The following IMMT variants were observed in gnomAD, a reference collection of about 807,000 sequenced individuals.
IMMT encodes the protein inner membrane mitochondrial protein.
IMMT carries 40 observed loss-of-function variants against 92.7 expected under a neutral mutation model. The ratio of observed to expected loss-of-function variants is 0.43; its 90% confidence interval spans 0.34 to 0.56. IMMT has a LOEUF of 0.56. Ranked by LOEUF, IMMT falls within the 20% of genes least tolerant of loss-of-function variation. The pLI, the probability that IMMT is intolerant of heterozygous loss-of-function variation, is 0.03. For synonymous variants in IMMT, 322 were observed against 336.1 expected (o/e 0.96, Z 0.46); for missense variants, 831 against 912.1 (o/e 0.91, Z 1.14).
chr2:86,157,292 C>G (rs1675919073), intron 10 of IMMT, among the ~76,000 whole-genome samples: 1 of 152,206 alleles, frequency 6.6e-6, no homozygotes, highest in Non-Finnish European at 1.5e-5. Context: ...TCTGAGTTAT[C>G]TTTTGACAGC....
Position 86,166,590 on chromosome 2 carries a change from T to C in IMMT, c.710A>G (p.Gln237Arg). The stretch of plus-strand genomic sequence containing the variant: ...CGCAGCATTCTGAGCTGCAATAGCC[T>C]GCAGAGTGACACTTGCAGTTTGCCT... ...ALRQTASVTL[Q>R]AIAAQNAAVQ... Residue 237 changes from glutamine to arginine, a missense_variant, in exon 7 of 15, where the codon CAG becomes CGG. By Grantham distance (43) the Gln-to-Arg change is conservative (BLOSUM62 1). Transcript: ENST00000410111. 1 of 1,613,456 alleles carries C rather than the reference T, an allele frequency of 6.2e-7. No individual in the cohort carries two copies. The highest frequency in any genetic ancestry group is 2.2e-5 in the East Asian group (1 of 44,856).
chr2:86,166,430 T>C, intron 7 of IMMT, 78 bp downstream of exon 7: 1 of 1,379,706 alleles, frequency 7.2e-7, no homozygotes, highest in Non-Finnish European at 1.0e-6. Flanking sequence ...AATATTACAC[T>C]TCTCTCCACC....
intron 6 of IMMT, among the ~76,000 whole-genome samples, chr2:86,167,482 T>G (rs1159881118): frequency 1.0e-4 from 5 of 47,864 alleles, no homozygotes; most frequent in African/African-American, 2.8e-4. Context: ...TTTTTGTTTT[T>G]TGTTTTTTTT....
chr2:86,152,440 C>CAAAAAAAAAAA (rs772186185), intron 11 of IMMT, among the ~76,000 whole-genome samples: 20 of 76,822 alleles, frequency 2.6e-4, no homozygotes, highest in Non-Finnish European at 3.1e-4. Flanking sequence ...GACTCCATCT[C>CAAAAAAAAAAA]AAAAAAAAAA....
intron 7 of IMMT, among the ~76,000 whole-genome samples, chr2:86,163,417 T>C (rs559269089): frequency 3.9e-5 from 6 of 152,306 alleles, no homozygotes; most frequent in Admixed American, 3.9e-4. Context: ...ATTCAAGAGA[T>C]CTGCAAGTAC....
At chr2:86,188,867 A>T (rs1186929731) in intron 1 of IMMT, among the ~76,000 whole-genome samples, 1 of 151,630 alleles carries the variant, frequency 6.6e-6, no homozygotes, top group Non-Finnish European at 1.5e-5. Flanking sequence ...CATCCTTTTC[A>T]CTCTCAAGTA....
chr2:86,162,324 A>G (rs1573903976), intron 7 of IMMT, among the ~76,000 whole-genome samples: 2 of 143,894 alleles, frequency 1.4e-5, no homozygotes, highest in African/African-American at 5.3e-5. Flanking sequence ...CCATATAAGC[A>G]TTTTCTAAGG....
chr2:86,171,959 ATTTTTTTTTTT>A (rs869190735), intron 4 of IMMT, among the ~76,000 whole-genome samples: 3 of 40,156 alleles, frequency 7.5e-5, no homozygotes, highest in Non-Finnish European at 1.2e-4. Context: ...TGTGTAGTAT[ATTTTTTTTTTT>A]TTTTTTTTTT....
At chr2:86,171,862 A>ATATATTTTTT (rs111461385) in intron 4 of IMMT, among the ~76,000 whole-genome samples, 1 of 149,866 alleles carries the variant, frequency 6.7e-6, no homozygotes, top group African/African-American at 2.5e-5. Flanking sequence ...ATATATATAT[A>ATATATTTTTT]TTTTTTGCAC....
chr2:86,145,494 C>CAAA (rs10554362), intron 14 of IMMT, among the ~76,000 whole-genome samples: 19 of 76,258 alleles, frequency 2.5e-4, no homozygotes, highest in East Asian at 1.7e-3. Context: ...GACTCTGTCT[C>CAAA]AAAAAAAAAA....
chr2:86,174,161 A>G (rs1402800500), intron 3 of IMMT, among the ~76,000 whole-genome samples: 1 of 152,212 alleles, frequency 6.6e-6, no homozygotes, highest in Non-Finnish European at 1.5e-5. Context: ...AAAGGCTCTG[A>G]GTGAAAATAC....
intron 10 of IMMT, among the ~76,000 whole-genome samples, chr2:86,154,361 G>C (rs978693222): frequency 2.6e-5 from 4 of 151,018 alleles, no homozygotes; most frequent in Non-Finnish European, 5.9e-5. Flanking sequence ...TTAGTAGACG[G>C]GGTTTCACTA....
At chr2:86,193,425 G>C (rs1673304403) in intron 1 of IMMT, among the ~76,000 whole-genome samples, 1 of 144,030 alleles carries the variant, frequency 6.9e-6, no homozygotes, top group Non-Finnish European at 1.5e-5. Context: ...AAAAAAGAAA[G>C]ATGGGGTTTA....
At chr2:86,179,743 A>C in intron 2 of IMMT, 121 bp from the exon 3 acceptor site, 1 of 693,636 alleles carries the variant, frequency 1.4e-6, no homozygotes, top group South Asian at 2.5e-5. Context: ...AATTCAGATC[A>C]TAGCAGCCAA....
chr2:86,194,106 G>A (rs1673364230), intron 1 of IMMT, among the ~76,000 whole-genome samples: 1 of 152,220 alleles, frequency 6.6e-6, no homozygotes, highest in African/African-American at 2.4e-5. Context: ...GCAGTGGCTG[G>A]CAAGAGGCAG....
intron 7 of IMMT, among the ~76,000 whole-genome samples, chr2:86,163,589 A>G (rs985458209): frequency 6.6e-6 from 1 of 152,188 alleles, no homozygotes; most frequent in African/African-American, 2.4e-5. Flanking sequence ...TTCAAGTTCA[A>G]TGAGCCCCTG....
At position 86,158,455 on chromosome 2, in the gene IMMT, A is replaced by G. The variant is rs556796741; in HGVS notation, c.1162+137T>C. ...TGTGTCATCTGTAATGACTGTGGTT[A>G]AAATAAAACGCTGTAACAAAAAGAG... On this transcript the variant is annotated intron_variant, in intron 10 of 14. Transcript: ENST00000410111. 3.6e-5 allele frequency: 23 copies of G among 632,866 alleles called. No homozygotes were observed. In the Admixed American group the frequency reaches 4.7e-4, roughly 13 times the overall value. The allele number at this position is 632,866 out of a possible 1,614,324, so 39.2% of individuals were successfully genotyped here. A position where few individuals can be genotyped will look rare whatever the true frequency, so the allele number is the denominator to read the frequency against.
chr2:86,158,736 A>G lies in IMMT; in HGVS notation c.1033-15T>C, dbSNP rs1558818933. ...GCTGCTTGGACCTGAGCAAATACACAGGGTATGTGATTAAATTGAACAAAA... is the reference window on the plus strand; with the variant it reads ...GCTGCTTGGACCTGAGCAAATACACGGGGTATGTGATTAAATTGAACAAAA... On this transcript the variant is annotated splice_polypyrimidine_tract_variant and intron_variant, in intron 9 of 14. Transcript: ENST00000410111. 5.7e-6 allele frequency: 9 copies of G among 1,579,148 alleles called. No homozygotes were observed. In the Admixed American group the frequency reaches 1.2e-4, roughly 21 times the overall value.
Position 86,144,992 on chromosome 2 carries a change from CCAGAGAGACTTTCTTA to C in IMMT, c.1664-127_1664-112del, listed in dbSNP as rs571803477. On this transcript the variant is annotated intron_variant, in intron 14 of 14. Coordinates refer to ENST00000410111, the MANE Select transcript of IMMT (RefSeq NM_006839.3). ...ACATCTACACATGTGCAAGATGAGGCCAGAGAGACTTTCTTACAACCCCACCCCCACCACTTATTTC... is the reference window on the plus strand; with the variant it reads ...ACATCTACACATGTGCAAGATGAGGCCAACCCCACCCCCACCACTTATTTC... 1.4e-3 allele frequency: 1,800 copies of C among 1,285,758 alleles called. 8 individuals carry two copies. Among genetic ancestry groups the C allele is most frequent in the South Asian group, 4.8e-3 (311 of 65,102 alleles). 79.6% of individuals were successfully genotyped at this position (1,285,758 alleles called of 1,614,324 possible).
Sources: gnomAD v4.1 joint callset for allele counts (sites outside exome capture counted in the v4.1 genomes callset) on GRCh38, gnomAD v4.1.1 for gene constraint, MANE v1.5 for transcripts, NCBI Gene and HGNC (gene_info 2026-07-23, HGNC 2026-07-21) for gene names.